PHGDH: variants seen among roughly 807,000 people sequenced by gnomAD.
PHGDH encodes the protein D-3-phosphoglycerate dehydrogenase.
PHGDH carries 50 observed loss-of-function variants against 52.6 expected under a neutral mutation model. That is an observed-to-expected ratio of 0.95 (90% CI 0.76 to 1.20). PHGDH has a LOEUF of 1.20. Among genes scored for constraint, PHGDH ranks in the 50% most tolerant of loss-of-function variants. The probability of loss-of-function intolerance (pLI) is 0.00; values close to 1 mark genes in which losing one functional copy is unlikely to be tolerated. For missense variants in PHGDH, 630 were observed against 684.6 expected, an observed-to-expected ratio of 0.92 and a Z score of 0.89; for synonymous variants, 271 against 280.5, an observed-to-expected ratio of 0.97 and a Z score of 0.34.
intron 9 of PHGDH, among the ~76,000 whole-genome samples, chr1:119,741,463 G>A (rs1430166135): frequency 5.3e-5 from 8 of 152,228 alleles, no homozygotes; most frequent in Non-Finnish European, 8.8e-5. Context: ...TCCCCTGGGA[G>A]AATAATAGGT....
chr1:119,733,189 TG>T, intron 5 of PHGDH, among the ~76,000 whole-genome samples: 1 of 152,306 alleles, frequency 6.6e-6, no homozygotes, highest in East Asian at 1.9e-4. Context: ...GCCTGATGGT[TG>T]GTGTGGGGCC....
intron 3 of PHGDH, chr1:119,726,565 AACTC>A (rs1257680842): frequency 1.9e-6 from 1 of 535,738 alleles, no homozygotes; most frequent in Non-Finnish European, 3.4e-6. Context: ...TAAAGTAAAA[AACTC>A]ACTCTGGTTG....
rs1303696281 is a variant in PHGDH, at chr1:119,724,573, C to T, written c.356+1132C>T. 5 of 363,798 alleles carry T rather than the reference C, an allele frequency of 1.4e-5. No individual in the cohort carries two copies. The East Asian group carries it at 3.6e-4, about 26-fold the overall frequency. 22.5% of individuals were successfully genotyped at this position (363,798 alleles called of 1,614,324 possible). ...CCCCCAGGCTGGCAGCCGGGTTCTC[C>T]CAGAACATCTAGGCTGAGTGTCTCT... On this transcript the variant is annotated intron_variant, in intron 3 of 11. Coordinates refer to ENST00000641023, the MANE Select transcript of PHGDH (RefSeq NM_006623.4).
At chr1:119,712,645 C>T (rs1433034849) in intron 1 of PHGDH, 3 of 175,440 alleles carry the variant, frequency 1.7e-5, no homozygotes, top group South Asian at 2.6e-4. Context: ...TGGGCCGCCC[C>T]GCCGATTCTA....
intron 1 of PHGDH, among the ~76,000 whole-genome samples, chr1:119,714,914 C>T (rs1650858027): frequency 6.6e-6 from 1 of 152,102 alleles, no homozygotes; most frequent in Admixed American, 6.5e-5. Flanking sequence ...TAGACCCTGT[C>T]CCACCCCTCC....
intron 8 of PHGDH, among the ~76,000 whole-genome samples, chr1:119,738,549 T>G (rs1212963403): frequency 6.6e-6 from 1 of 152,240 alleles, no homozygotes; most frequent in East Asian, 1.9e-4. Context: ...CTGAGCAGGT[T>G]CGTTCCTCCC....
intron 7 of PHGDH, 152 bp downstream of exon 7, chr1:119,735,595 C>T: frequency 2.3e-6 from 2 of 880,136 alleles, no homozygotes; most frequent in African/African-American, 1.7e-5. Context: ...GCCAAAAACA[C>T]ACCTTTGTGG....
chr1:119,736,173 A>G (rs1350101643), intron 7 of PHGDH, among the ~76,000 whole-genome samples: 1 of 152,164 alleles, frequency 6.6e-6, no homozygotes, highest in Non-Finnish European at 1.5e-5. Flanking sequence ...CCCCTGTAGC[A>G]CTCACTGTGT....
intron 8 of PHGDH, 103 bp downstream of exon 8, chr1:119,737,369 C>G (rs1651990784): frequency 4.9e-6 from 5 of 1,020,354 alleles, no homozygotes; most frequent in Non-Finnish European, 5.8e-6. Flanking sequence ...AGATTCAGCC[C>G]TGGGAGCTGA....
In PHGDH at chr1:119,737,179, C is replaced by A; in HGVS notation, c.858C>A (p.Ala286=). 2 of 1,613,866 alleles carry A rather than the reference C, an allele frequency of 1.2e-6. No individual in the cohort carries two copies. Among genetic ancestry groups the A allele is most frequent in the African/African-American group, 2.7e-5 (2 of 75,048 alleles). ...TCATCAGCTGTCCCCACCTGGGTGC[C>A]AGCACCAAGGAGGCTCAGAGCCGCT... ...ENVISCPHLG[A]STKEAQSRCG... is the part of the protein sequence containing the mutation. Residue 286 remains alanine (A), a synonymous_variant, in exon 8 of 12, where the codon GCC becomes GCA. Transcript: ENST00000641023.
chr1:119,726,808 G>C (rs757977176), intron 3 of PHGDH, 43 bp from the exon 4 acceptor site: 8 of 1,550,044 alleles, frequency 5.2e-6, no homozygotes, highest in African/African-American at 2.7e-5. Context: ...CTGGGCTGGC[G>C]GGAGTCCGAA....
At position 119,726,603 on chromosome 1, in the gene PHGDH, T is replaced by TC. The variant is rs999068076; in HGVS notation, c.357-246dup. 1.4e-5 allele frequency: 8 copies of TC among 585,944 alleles called. No homozygotes were observed. In the African/African-American group the frequency reaches 1.5e-4, roughly 11 times the overall value. 36.3% of individuals were successfully genotyped at this position (585,944 alleles called of 1,614,324 possible). A position where few individuals can be genotyped will look rare whatever the true frequency, so the allele number is the denominator to read the frequency against. ...TGATGCCTCAGTGGCTGAGGTGGAA[T>TC]CCATACCTCCTCCCAGATGCCTGGC... is the stretch of plus-strand genomic sequence containing the variant. On this transcript the variant is annotated intron_variant, in intron 3 of 11. Transcript: ENST00000641023.
Position 119,722,527 on chromosome 1 carries a change from C to T in PHGDH, c.291-849C>T, listed in dbSNP as rs994867168. On this transcript the variant is annotated intron_variant, in intron 2 of 11. Transcript: ENST00000641023. Reference sequence around the variant, plus strand: ...GTGACTTAGGGTGTGAGGAGGCTTTCTCAGTTCAGAACTTGTTGAGAGATA... The same window carrying T: ...GTGACTTAGGGTGTGAGGAGGCTTTTTCAGTTCAGAACTTGTTGAGAGATA... Among the ~76,000 whole-genome samples the T allele has an allele frequency of 2.6e-5, 4 of 152,162 alleles. No homozygotes were observed. In the South Asian group the frequency reaches 6.2e-4, roughly 24 times the overall value.
intron 2 of PHGDH, among the ~76,000 whole-genome samples, chr1:119,722,381 G>A (rs587597425): frequency 6.6e-6 from 1 of 152,090 alleles, no homozygotes; most frequent in East Asian, 1.9e-4. Flanking sequence ...GAATAATCAG[G>A]GTGAACACGT....
intron 5 of PHGDH, chr1:119,730,144 G>A (rs1040120192): frequency 4.6e-5 from 7 of 152,062 alleles, no homozygotes; most frequent in African/African-American, 1.4e-4. Context: ...CAGTTCTACC[G>A]GTCTTGGAGA....
rs767968310 is a variant in PHGDH, at chr1:119,735,383, C to T, written c.732C>T (p.Ala244=). Residue 244 remains alanine, a synonymous_variant, in exon 7 of 12, where the codon GCC becomes GCT. Coordinates refer to ENST00000641023, the MANE Select transcript of PHGDH (RefSeq NM_006623.4). ...CARGGIVDEG[A]LLRALQSGQC... ...GTGGAGGGATCGTGGACGAAGGCGC[C>T]CTGCTCCGGGCCCTGCAGTCTGGCC... 2.5e-6 allele frequency: 4 copies of T among 1,614,048 alleles called. No individual in the cohort carries two copies. Among genetic ancestry groups the T allele is most frequent in the South Asian group, 2.2e-5 (2 of 91,096 alleles).
At position 119,737,173 on chromosome 1, in the gene PHGDH, G is replaced by C. The variant is rs1297161098; in HGVS notation, c.852G>C (p.Leu284=). 6.2e-7 allele frequency: 1 copy of C among 1,613,620 alleles called. No homozygotes were observed. Among genetic ancestry groups the C allele is most frequent in the Admixed American group, 1.7e-5 (1 of 60,030 alleles). The change falls in exon 8 of 12, where the codon CTG becomes CTC. Residue 284 remains leucine, a synonymous_variant. Transcript: ENST00000641023. ...AGAATGTCATCAGCTGTCCCCACCTGGGTGCCAGCACCAAGGAGGCTCAGA... is the reference window on the plus strand; with the variant it reads ...AGAATGTCATCAGCTGTCCCCACCTCGGTGCCAGCACCAAGGAGGCTCAGA... ...DHENVISCPH[L]GASTKEAQSR...
At chr1:119,736,898 G>C (rs1472604202) in intron 7 of PHGDH, among the ~76,000 whole-genome samples, 1 of 152,268 alleles carries the variant, frequency 6.6e-6, no homozygotes, top group Non-Finnish European at 1.5e-5. Context: ...GGTGAGATTT[G>C]AATCTGGTTC....
At chr1:119,734,098 T>C (rs1418311604) in intron 5 of PHGDH, among the ~76,000 whole-genome samples, 1 of 152,174 alleles carries the variant, frequency 6.6e-6, no homozygotes, top group East Asian at 1.9e-4. Context: ...TTCTGCTCAC[T>C]CTGTTTTAGT....
Sources: gnomAD v4.1 joint callset for allele counts (sites outside exome capture counted in the v4.1 genomes callset) on GRCh38, gnomAD v4.1.1 for gene constraint, MANE v1.5 for transcripts, NCBI Gene and HGNC (gene_info 2026-07-23, HGNC 2026-07-21) for gene names.